DZIP3: variants seen among roughly 807,000 people sequenced by gnomAD.
DZIP3 encodes DAZ interacting zinc finger protein 3.
Under a neutral mutation model 162.0 loss-of-function variants are expected in DZIP3, and 118 were observed. The observed-to-expected ratio is 0.73, with a 90% CI of 0.63 to 0.85. DZIP3 has a LOEUF of 0.85. Among genes scored for constraint, DZIP3 ranks in the 40% least tolerant of loss-of-function variants. The probability of loss-of-function intolerance (pLI) is 0.00; values close to 1 mark genes in which losing one functional copy is unlikely to be tolerated. For synonymous variants in DZIP3, 438 were observed against 458.6 expected, an observed-to-expected ratio of 0.96 and a Z score of 0.57; for missense variants, 1,331 against 1,407.0, an observed-to-expected ratio of 0.95 and a Z score of 0.86.
intron 19 of DZIP3, among the ~76,000 whole-genome samples, chr3:108,654,733 G>T (rs1035647245): frequency 2.6e-5 from 4 of 151,784 alleles, no homozygotes; most frequent in Admixed American, 6.6e-5. Context: ...AGAAAATATT[G>T]ATGTATAATC....
chr3:108,638,323 T>TTGTTTGTG (rs1942249791), intron 12 of DZIP3, among the ~76,000 whole-genome samples: 1 of 151,810 alleles, frequency 6.6e-6, no homozygotes, highest in African/African-American at 2.4e-5. Flanking sequence ...GTTTTTTTGT[T>TTGTTTGTG]TGTTTGTTTT....
Position 108,644,725 on chromosome 3 carries a change from A to G in DZIP3, c.1703A>G (p.Tyr568Cys), listed in dbSNP as rs780402915. The G allele has an allele frequency of 3.7e-6, 6 of 1,610,754 alleles. No homozygotes were observed. The South Asian group carries it at 4.4e-5, about 12-fold the overall frequency. ...ISLDYHQLSV[Y>C]LGIPVPEIIQ... ...CTTGATTACCATCAGCTATCTGTCT[A>G]CCTAGGCATACCAGTACCAGAAATC... The change falls in exon 14 of 33, where the codon TAC becomes TGC. Residue 568 changes from tyrosine to cysteine, a missense_variant. This residue lies in a region of DZIP3 where 1,278 missense variants were observed against 1,317.1 expected (regional missense o/e 0.97). Coordinates refer to ENST00000361582, the MANE Select transcript of DZIP3 (RefSeq NM_014648.4).
chr3:108,609,420 G>A (rs1940573693), intron 3 of DZIP3, among the ~76,000 whole-genome samples: 1 of 152,312 alleles, frequency 6.6e-6, no homozygotes, highest in East Asian at 1.9e-4. Flanking sequence ...GACATTTCTA[G>A]ATGCAGAATC....
chr3:108,613,408 TAA>T, intron 4 of DZIP3, among the ~76,000 whole-genome samples: 1 of 152,292 alleles, frequency 6.6e-6, no homozygotes, highest in Middle Eastern at 3.4e-3. Context: ...CTCTAATAAC[TAA>T]AAGATTGTGT....
Position 108,648,055 on chromosome 3 carries a change from A to T in DZIP3, c.1905A>T (p.Lys635Asn), listed in dbSNP as rs763460877. ...AGATACAGTTTGCAGAAATTAATAA[A>T]GATGGGACCTCAATACCCAGTGAAT... ...HPEIQFAEIN[K>N]DGTSIPSESS... is the part of the protein sequence containing the mutation. The change falls in exon 16 of 33, where the codon AAA becomes AAT. Residue 635 changes from lysine to asparagine, a missense_variant. Lys to Asn is a moderately conservative substitution (Grantham distance 94, BLOSUM62 0). Coordinates refer to ENST00000361582, the MANE Select transcript of DZIP3 (RefSeq NM_014648.4). 2 of 1,612,454 alleles carry T rather than the reference A, an allele frequency of 1.2e-6. No homozygotes were observed. The highest frequency in any genetic ancestry group is 2.2e-5 in the South Asian group (2 of 90,722).
chr3:108,658,848 G>T (rs895350053), intron 19 of DZIP3, among the ~76,000 whole-genome samples: 11 of 152,148 alleles, frequency 7.2e-5, no homozygotes, highest in African/African-American at 2.4e-4. Context: ...TACCATCAGA[G>T]AATACTATAA....
Position 108,647,993 on chromosome 3 carries a change from C to G in DZIP3, c.1843C>G (p.Leu615Val), listed in dbSNP as rs542906078. 1.2e-6 allele frequency: 2 copies of G among 1,603,950 alleles called. No homozygotes were observed. Among genetic ancestry groups the G allele is most frequent in the East Asian group, 2.3e-5 (1 of 44,238 alleles). ...QNEEEELSPP[L>V]MEYNINVKSH... ...TGAGGAAGAAGAACTAAGTCCACCT[C>G]TCATGGAGTACAATATAAATGTGAA... is the stretch of plus-strand genomic sequence containing the variant. The change falls in exon 16 of 33, where the codon CTC becomes GTC. Residue 615 changes from leucine to valine, a missense_variant. Leu to Val is a conservative substitution (Grantham distance 32). Coordinates refer to ENST00000361582, the MANE Select transcript of DZIP3 (RefSeq NM_014648.4).
chr3:108,673,649 A>G (rs1944002850), intron 23 of DZIP3, among the ~76,000 whole-genome samples: 1 of 151,910 alleles, frequency 6.6e-6, no homozygotes, highest in Non-Finnish European at 1.5e-5. Flanking sequence ...TGGTCTTATT[A>G]TTACCTCTTC....
rs1944780862 is a variant in DZIP3, at chr3:108,693,601, G to T, written c.*248G>T. On this transcript the variant is annotated 3_prime_UTR_variant, in exon 33 of 33. Coordinates refer to ENST00000361582, the MANE Select transcript of DZIP3 (RefSeq NM_014648.4). ...TTAAACCTTTACCAGCATACCACTG[G>T]ACCTTGTCTAAAATTTCTTTGTGTT... 1.3e-5 allele frequency: 2 copies of T among 152,074 alleles called. No homozygotes were observed. The highest frequency in any genetic ancestry group is 1.3e-4 in the Admixed American group (2 of 15,244). 9.4% of individuals were successfully genotyped at this position (152,074 alleles called of 1,614,324 possible).
intron 25 of DZIP3, among the ~76,000 whole-genome samples, chr3:108,676,293 A>G (rs1037400549): frequency 2.0e-5 from 3 of 152,090 alleles, no homozygotes; most frequent in African/African-American, 7.2e-5. Context: ...AGCCTGGACA[A>G]TAGAGTGAGA....
intron 17 of DZIP3, 36 bp downstream of exon 17, chr3:108,648,998 G>GT (rs1385240525): frequency 9.4e-7 from 1 of 1,061,812 alleles, no homozygotes; most frequent in Non-Finnish European, 1.3e-6. Context: ...TACTGATTAT[G>GT]AACACTTGAG....
intron 32 of DZIP3, among the ~76,000 whole-genome samples, chr3:108,692,220 T>TA (rs1450969501): frequency 3.3e-5 from 5 of 152,050 alleles, no homozygotes; most frequent in South Asian, 4.1e-4. Flanking sequence ...AATATATATA[T>TA]TTTTTTTCTG....
intron 19 of DZIP3, among the ~76,000 whole-genome samples, chr3:108,660,813 A>G (rs1021672681): frequency 1.3e-5 from 2 of 151,972 alleles, no homozygotes; most frequent in African/African-American, 4.8e-5. Flanking sequence ...CCCCATCAAC[A>G]GGTGGGCAAA....
intron 22 of DZIP3, among the ~76,000 whole-genome samples, chr3:108,670,915 C>A (rs2107346277): frequency 6.6e-6 from 1 of 151,836 alleles, no homozygotes. Context: ...GCTTATTGGC[C>A]AGTTATTTAT....
chr3:108,642,786 CAG>C (rs1318864691), intron 13 of DZIP3, among the ~76,000 whole-genome samples: 2 of 152,268 alleles, frequency 1.3e-5, no homozygotes, highest in East Asian at 3.9e-4. Context: ...TGTGTTCCAG[CAG>C]AGGTTTTCTA....
chr3:108,626,006 A>C (rs1941575288), intron 7 of DZIP3, 37 bp downstream of exon 7: 2 of 1,597,792 alleles, frequency 1.3e-6, no homozygotes, highest in Non-Finnish European at 8.5e-7. Context: ...GTTGCCTGTG[A>C]AGTCTCAGCA....
chr3:108,610,075 G>T (rs1025684328), intron 3 of DZIP3, among the ~76,000 whole-genome samples: 2 of 152,084 alleles, frequency 1.3e-5, no homozygotes, highest in Non-Finnish European at 2.9e-5. Flanking sequence ...TAGAAAGATT[G>T]CAAGATAGTA....
Position 108,626,039 on chromosome 3 carries a change from C to CA in DZIP3, c.581+71dup. ...GCATTGTGAAATGGAAGTAAGTGTG[C>CA]ACAGTATATCAGGCATTGTGACATT... On this transcript the variant is annotated intron_variant, in intron 7 of 32. Transcript: ENST00000361582. 3 of 1,521,876 alleles carry CA rather than the reference C, an allele frequency of 2.0e-6. No individual in the cohort carries two copies. The South Asian group carries it at 3.8e-5, about 19-fold the overall frequency. The allele number at this position is 1,521,876 out of a possible 1,614,324, so 94.3% of individuals were successfully genotyped here.
At chr3:108,654,406 G>T in intron 19 of DZIP3, 96 bp downstream of exon 19, 1 of 1,305,974 alleles carries the variant, frequency 7.7e-7, no homozygotes, top group Non-Finnish European at 1.1e-6. Flanking sequence ...AAGCCCAGTG[G>T]TTTATACTGT....
Sources: gnomAD v4.1 joint callset for allele counts (sites outside exome capture counted in the v4.1 genomes callset) on GRCh38, gnomAD v4.1.1 for gene constraint, gnomAD v4.1.1 regional missense constraint, MANE v1.5 for transcripts, NCBI Gene and HGNC (gene_info 2026-07-23, HGNC 2026-07-21) for gene names.